The following C5orf34 variants were observed in gnomAD, a reference collection of about 807,000 sequenced individuals.
The protein encoded by C5orf34 is uncharacterized protein C5orf34.
C5orf34 carries 73 observed loss-of-function variants against 78.4 expected under a neutral mutation model. That is an observed-to-expected ratio of 0.93 (90% CI 0.77 to 1.13). The LOEUF is 1.13. C5orf34 is among the 50% of genes most tolerant of loss of function. The pLI, the probability that C5orf34 is intolerant of heterozygous loss-of-function variation, is 0.00. For missense variants in C5orf34, 730 were observed against 732.7 expected (o/e 1.00, Z 0.04); for synonymous variants, 251 against 246.6 (o/e 1.02, Z -0.17).
chr5:43,510,241 C>T (rs1317715831), intron 1 of C5orf34, among the ~76,000 whole-genome samples: 1 of 152,142 alleles, frequency 6.6e-6, no homozygotes, highest in Non-Finnish European at 1.5e-5. Context: ...TACCTGGAAT[C>T]CTGTCTCTAC....
At chr5:43,492,162 C>A in intron 10 of C5orf34, 53 bp downstream of exon 10, 1 of 1,162,966 alleles carries the variant, frequency 8.6e-7, no homozygotes, top group South Asian at 1.3e-5. Flanking sequence ...TGCTTATTCT[C>A]TGTTAGTTAA....
At chr5:43,513,298 GCTCT>G (rs549813245) in intron 1 of C5orf34, among the ~76,000 whole-genome samples, 67 of 151,912 alleles carry the variant, frequency 4.4e-4, no homozygotes, top group Non-Finnish European at 8.7e-4. Flanking sequence ...CTGCTAGACC[GCTCT>G]CTATGTCCCT....
At chr5:43,511,365 T>TG (rs1169158705) in intron 1 of C5orf34, 2 of 150,218 alleles carry the variant, frequency 1.3e-5, no homozygotes, top group Non-Finnish European at 2.9e-5. Context: ...GGGAGGGAGG[T>TG]GGGGGGCAGC....
chr5:43,496,794 C>T (rs760850045), intron 6 of C5orf34, among the ~76,000 whole-genome samples: 2 of 151,878 alleles, frequency 1.3e-5, no homozygotes, highest in African/African-American at 2.4e-5. Flanking sequence ...CTATATTACC[C>T]AGACTAGTCT....
chr5:43,488,000 T>C (rs775695192), intron 11 of C5orf34, 51 bp from the exon 12 acceptor site: 1 of 1,437,202 alleles, frequency 7.0e-7, no homozygotes, highest in South Asian at 1.2e-5. Context: ...TCTTTTGTAT[T>C]CATGATATTT....
At chr5:43,495,816 T>C in intron 6 of C5orf34, 1 of 1,581,982 alleles carries the variant, frequency 6.3e-7, no homozygotes, top group Admixed American at 1.7e-5. Flanking sequence ...CGGGTGGCTT[T>C]CCATCCCTTG....
intron 1 of C5orf34, 25 bp from the exon 2 acceptor site, chr5:43,509,400 G>A (rs1746128861): frequency 2.3e-6 from 3 of 1,333,174 alleles, no homozygotes; most frequent in South Asian, 1.5e-5. Context: ...AAAAACAACA[G>A]CATAAATAGT....
intron 6 of C5orf34, among the ~76,000 whole-genome samples, chr5:43,501,760 C>T (rs1035377792): frequency 1.3e-5 from 2 of 152,102 alleles, no homozygotes; most frequent in African/African-American, 4.8e-5. Context: ...AGAGAGAAAA[C>T]ATACTTATTT....
intron 10 of C5orf34, 61 bp downstream of exon 10, chr5:43,492,154 C>T: frequency 5.5e-6 from 6 of 1,088,690 alleles, no homozygotes; most frequent in Admixed American, 4.1e-5. Flanking sequence ...ATGCTTATTG[C>T]TTATTCTCTG....
Position 43,514,894 on chromosome 5 carries a change from C to T in C5orf34, c.-125G>A, listed in dbSNP as rs10055801. The T allele has an allele frequency of 0.48, 73,547 of 151,964 alleles. 18,683 individuals carry two copies. The highest frequency in any genetic ancestry group is 0.63 in the Middle Eastern group (184 of 294). 9.4% of individuals were successfully genotyped at this position (151,964 alleles called of 1,614,324 possible). On this transcript the variant is annotated 5_prime_UTR_variant, in exon 1 of 13. Coordinates refer to ENST00000306862, the MANE Select transcript of C5orf34 (RefSeq NM_198566.4). ...CAAAATGCTCTGGAAGCCGCAGCGT[C>T]GGCGCCTGCCCACCACTGCTTCTTC...
chr5:43,512,534 C>T (rs952792394), intron 1 of C5orf34, among the ~76,000 whole-genome samples: 10 of 152,284 alleles, frequency 6.6e-5, no homozygotes, highest in South Asian at 2.1e-4. Flanking sequence ...ACCTCATCAA[C>T]GTGTAACAGC....
intron 8 of C5orf34, among the ~76,000 whole-genome samples, 183 bp downstream of exon 8, chr5:43,493,360 A>G (rs1364881846): frequency 6.6e-6 from 1 of 152,138 alleles, no homozygotes; most frequent in Admixed American, 6.5e-5. Flanking sequence ...CAATAAAACT[A>G]TAACATAAAA....
rs371351220 is a variant in C5orf34, at chr5:43,503,659, C to A, written c.1028+6G>T. On this transcript the variant is annotated splice_donor_region_variant and intron_variant, in intron 5 of 12. Coordinates refer to ENST00000306862, the MANE Select transcript of C5orf34 (RefSeq NM_198566.4). The stretch of plus-strand genomic sequence containing the variant: ...TCCAACATAGAAGCCAACATAGGTG[C>A]CTTACCTATATGTAACACCTTTGTA... 4 of 1,569,548 alleles carry A rather than the reference C, an allele frequency of 2.5e-6. No homozygotes were observed. In the East Asian group the frequency reaches 9.0e-5, roughly 35 times the overall value.
At chr5:43,505,078 T>C (rs1745921795) in intron 4 of C5orf34, among the ~76,000 whole-genome samples, 1 of 152,202 alleles carries the variant, frequency 6.6e-6, no homozygotes, top group Non-Finnish European at 1.5e-5. Context: ...ATCAAACGGG[T>C]GAAGTCCAAC....
chr5:43,509,167 T>G lies in C5orf34; in HGVS notation c.173A>C (p.His58Pro), dbSNP rs140332394. The part of the protein sequence containing the change: ...EQPERIRQRT[H>P]FVISTYREQL... ...TACTCTGTAAGTGCTAATGACAAAA[T>G]GTGTCCTTTGACGAATTCTTTCTGG... The change falls in exon 2 of 13, where the codon CAT (histidine) becomes CCT (proline). Residue 58 changes from histidine (H) to proline (P), a missense_variant. Coordinates refer to ENST00000306862, the MANE Select transcript of C5orf34 (RefSeq NM_198566.4). The G allele has an allele frequency of 6.2e-7, 1 of 1,613,100 alleles. No individual in the cohort carries two copies. The highest frequency in any genetic ancestry group is 1.3e-5 in the African/African-American group (1 of 74,852).
chr5:43,492,859 GGCAGTATATT>G lies in C5orf34; in HGVS notation c.1336_1345del (p.Asn446LeufsTer4). 2 of 1,608,654 alleles carry G rather than the reference GGCAGTATATT, an allele frequency of 1.2e-6. No individual in the cohort carries two copies. Reference sequence around the variant, plus strand: ...TATGAGTGACTCTTTCAAAACCAAAGGCAGTATATTGCTATCATTTATCCCAGGTACCTAA... The same window carrying G: ...TATGAGTGACTCTTTCAAAACCAAAGGCTATCATTTATCCCAGGTACCTAA... On this transcript the variant is annotated frameshift_variant, in exon 9 of 13. Transcript: ENST00000306862. LOFTEE classifies it high-confidence loss of function.
intron 10 of C5orf34, 28 bp from the exon 11 acceptor site, chr5:43,490,757 T>G: frequency 8.5e-7 from 1 of 1,175,456 alleles, no homozygotes; most frequent in Non-Finnish European, 1.2e-6. Flanking sequence ...AAAGAAATAC[T>G]TGAAAAATGA....
At chr5:43,514,113 C>CCA (rs1243474032) in intron 1 of C5orf34, 1 of 152,194 alleles carries the variant, frequency 6.6e-6, no homozygotes, top group Non-Finnish European at 1.5e-5. Context: ...ACTTGACTTT[C>CCA]CACTCCATGC....
chr5:43,513,836 T>A (rs1746373586), intron 1 of C5orf34, among the ~76,000 whole-genome samples: 1 of 152,224 alleles, frequency 6.6e-6, no homozygotes, highest in South Asian at 2.1e-4. Flanking sequence ...TCATTTGTCA[T>A]CCCTCTTCAA....
Sources: gnomAD v4.1 joint callset for allele counts (sites outside exome capture counted in the v4.1 genomes callset) on GRCh38, gnomAD v4.1.1 for gene constraint, MANE v1.5 for transcripts, NCBI Gene and HGNC (gene_info 2026-07-23, HGNC 2026-07-21) for gene names.